The following SBF2 variants were observed in gnomAD, a reference collection of about 807,000 sequenced individuals.
SBF2 encodes myotubularin-related protein 13.
SBF2 carries 112 observed loss-of-function variants against 225.2 expected under a neutral mutation model. The ratio of observed to expected loss-of-function variants is 0.50; its 90% CI spans 0.43 to 0.58. The LOEUF (loss-of-function observed/expected upper bound fraction) is 0.58, where lower values mean the gene tolerates loss of function less well. SBF2 is among the 20% of genes least tolerant of loss of function. The pLI, the probability that SBF2 is intolerant of heterozygous loss-of-function variation, is 0.00. For synonymous variants in SBF2, 763 were observed against 773.3 expected (o/e 0.99, Z 0.22); for missense variants, 1,996 against 2,206.2 (o/e 0.90, Z 1.91).
rs545271991 is a variant in SBF2, at chr11:10,277,624, T to A, written c.55+16391A>T. ...TTTGGAAACAGGGTCTTTGCAGATA[T>A]AGTTAAGGATCTTCTGATGAAAATT... On this transcript the variant is annotated intron_variant, in intron 1 of 39. Coordinates refer to ENST00000256190, the MANE Select transcript of SBF2 (RefSeq NM_030962.4). Among the ~76,000 whole-genome samples, 4 of 152,278 alleles carry A rather than the reference T, an allele frequency of 2.6e-5. No individual in the cohort carries two copies. The East Asian group carries it at 7.7e-4, about 29-fold the overall frequency.
chr11:9,905,111 G>A (rs558296775), intron 16 of SBF2, among the ~76,000 whole-genome samples: 1 of 152,320 alleles, frequency 6.6e-6, no homozygotes, highest in African/African-American at 2.4e-5. Flanking sequence ...ATGCAATTAA[G>A]TTAGAAATCA....
At chr11:9,851,869 C>T (rs948497552) in intron 21 of SBF2, among the ~76,000 whole-genome samples, 2 of 152,204 alleles carry the variant, frequency 1.3e-5, no homozygotes, top group South Asian at 4.1e-4. Flanking sequence ...CTCTTGGCCT[C>T]AAGTGATCCT....
At chr11:10,266,566 A>T (rs763593606) in intron 1 of SBF2, among the ~76,000 whole-genome samples, 12 of 150,668 alleles carry the variant, frequency 8.0e-5, no homozygotes, top group Non-Finnish European at 1.2e-4. Context: ...CATTCCTTTT[A>T]AAAAAAAATT....
At chr11:10,047,870 T>G (rs891208985) in intron 2 of SBF2, among the ~76,000 whole-genome samples, 1 of 152,174 alleles carries the variant, frequency 6.6e-6, no homozygotes, top group Non-Finnish European at 1.5e-5. Flanking sequence ...TAAGAATCAT[T>G]TATTCTATGA....
chr11:10,042,691 C>T (rs977962018), intron 3 of SBF2, among the ~76,000 whole-genome samples, 153 bp downstream of exon 3: 1 of 152,182 alleles, frequency 6.6e-6, no homozygotes, highest in South Asian at 2.1e-4. Context: ...ACATGTTGCT[C>T]TCCTCTCCAA....
At chr11:10,049,719 AAGT>A (rs1390425567) in intron 2 of SBF2, among the ~76,000 whole-genome samples, 1 of 152,220 alleles carries the variant, frequency 6.6e-6, no homozygotes, top group Admixed American at 6.5e-5. Context: ...CTGAGACTAA[AAGT>A]ATGGGAACTG....
chr11:9,903,899 G>T lies in SBF2; in HGVS notation c.1861-7888C>A, dbSNP rs186456587. Among the ~76,000 whole-genome samples the T allele has an allele frequency of 2.3e-3, 356 of 152,242 alleles. 2 individuals carry two copies. Among genetic ancestry groups the T allele is most frequent in the South Asian group, 4.0e-3 (19 of 4,808 alleles). ...GTCTCTTAATGCTCATGCCCAGGAA[G>T]TTGCTTCTCCCTGGTGCCTGCATTC... On this transcript the variant is annotated intron_variant, in intron 16 of 39. Coordinates refer to ENST00000256190, the MANE Select transcript of SBF2 (RefSeq NM_030962.4).
At chr11:10,109,099 T>G (rs55865301) in intron 2 of SBF2, among the ~76,000 whole-genome samples, 8,163 of 152,096 alleles carry the variant, frequency 0.054, 295 homozygotes, top group Middle Eastern at 0.15. Context: ...ACATAAAAAT[T>G]CCTGCCATAT....
chr11:10,087,344 A>C (rs1951609794), intron 2 of SBF2, among the ~76,000 whole-genome samples: 1 of 152,188 alleles, frequency 6.6e-6, no homozygotes, highest in African/African-American at 2.4e-5. Context: ...TATTTGCCAT[A>C]ATTTTTTTTC....
Position 9,993,035 on chromosome 11 carries a change from C to G in SBF2, c.1122G>C (p.Leu374=). Residue 374 remains leucine (L), a synonymous_variant, in exon 11 of 40, where the codon CTG becomes CTC. Coordinates refer to ENST00000256190, the MANE Select transcript of SBF2 (RefSeq NM_030962.4). Reference sequence around the variant, plus strand: ...GCTCTGCATGAATTCTTATAAGTTGCAGGCAGGATCTATATCCTTGGAAGA... The same window carrying G: ...GCTCTGCATGAATTCTTATAAGTTGGAGGCAGGATCTATATCCTTGGAAGA... ...AQLFQGYRSC[L]QLIRIHAEPV... is the part of the protein sequence containing the mutation. 1 of 1,612,676 alleles carries G rather than the reference C, an allele frequency of 6.2e-7. No homozygotes were observed. Among genetic ancestry groups the G allele is most frequent in the Non-Finnish European group, 8.5e-7 (1 of 1,179,660 alleles).
chr11:10,084,058 C>T (rs1399626067), intron 2 of SBF2, among the ~76,000 whole-genome samples: 2 of 152,124 alleles, frequency 1.3e-5, no homozygotes, highest in African/African-American at 4.8e-5. Context: ...ACAGAGTGAA[C>T]AAACAGTCTG....
chr11:9,835,714 A>C (rs1281018169), intron 26 of SBF2, among the ~76,000 whole-genome samples: 1 of 151,304 alleles, frequency 6.6e-6, no homozygotes, highest in Non-Finnish European at 1.5e-5. Context: ...GATAAAGGGA[A>C]TCAACAGAGT....
chr11:10,022,380 A>G (rs749045107), intron 6 of SBF2, among the ~76,000 whole-genome samples: 1 of 152,196 alleles, frequency 6.6e-6, no homozygotes, highest in Non-Finnish European at 1.5e-5. Flanking sequence ...TTTTGCTTAA[A>G]TACATATTTT....
intron 2 of SBF2, among the ~76,000 whole-genome samples, chr11:10,066,408 C>T (rs1427751037): frequency 6.6e-6 from 1 of 151,608 alleles, no homozygotes; most frequent in African/African-American, 2.4e-5. Flanking sequence ...GCTAACATAT[C>T]ATGACCAAGC....
chr11:10,236,631 T>C (rs1591282211), intron 1 of SBF2, among the ~76,000 whole-genome samples: 1 of 152,156 alleles, frequency 6.6e-6, no homozygotes, highest in East Asian at 1.9e-4. Flanking sequence ...AGCTAATTTT[T>C]GTATTTTTAC....
intron 17 of SBF2, among the ~76,000 whole-genome samples, chr11:9,869,441 C>T (rs1858528351): frequency 6.6e-6 from 1 of 152,108 alleles, no homozygotes; most frequent in African/African-American, 2.4e-5. Context: ...GCCTCAGCCT[C>T]CCGAGTAGCT....
intron 2 of SBF2, among the ~76,000 whole-genome samples, chr11:10,115,393 T>C (rs889894901): frequency 3.3e-5 from 5 of 152,334 alleles, no homozygotes; most frequent in Admixed American, 2.0e-4. Context: ...ATTCAAAAAA[T>C]GGTGTCTTCC....
At chr11:9,871,413 AG>A (rs1436776173) in intron 17 of SBF2, among the ~76,000 whole-genome samples, 14 of 151,350 alleles carry the variant, frequency 9.3e-5, no homozygotes, top group Admixed American at 6.6e-4. Flanking sequence ...ACTGATCATT[AG>A]AGAAATGATA....
intron 6 of SBF2, 109 bp downstream of exon 6, chr11:10,028,343 T>C (rs1276821616): frequency 2.0e-5 from 15 of 750,226 alleles, no homozygotes; most frequent in Non-Finnish European, 2.4e-6. Context: ...AAATATTTAA[T>C]GGTTTAAAAA....
Sources: gnomAD v4.1 joint callset for allele counts (sites outside exome capture counted in the v4.1 genomes callset) on GRCh38, gnomAD v4.1.1 for gene constraint, MANE v1.5 for transcripts, NCBI Gene and HGNC (gene_info 2026-07-23, HGNC 2026-07-21) for gene names.